The following PLSCR2 variants were observed in gnomAD, a reference collection of about 807,000 sequenced individuals.
The protein encoded by PLSCR2 is phospholipid scramblase 2.
PLSCR2 carries 18 observed loss-of-function variants against 25.3 expected under a neutral mutation model. The observed-to-expected ratio is 0.71, with a 90% CI of 0.49 to 1.06. The LOEUF is 1.06. Ranked by LOEUF, PLSCR2 falls within the 50% of genes least tolerant of loss-of-function variation. The probability of loss-of-function intolerance (pLI) is 0.00; values close to 1 mark genes in which losing one functional copy is unlikely to be tolerated. For synonymous variants in PLSCR2, 88 were observed against 87.3 expected (o/e 1.01, Z -0.04); for missense variants, 243 against 269.5 (o/e 0.90, Z 0.69).
At chr3:146,459,482 G>A (rs766665685) in intron 2 of PLSCR2, among the ~76,000 whole-genome samples, 10 of 152,276 alleles carry the variant, frequency 6.6e-5, no homozygotes, top group Non-Finnish European at 7.4e-5. Flanking sequence ...CTTGTGTAGA[G>A]TAGTGATGAT....
downstream of PLSCR2, among the ~76,000 whole-genome samples, chr3:146,441,531 T>A (rs1385342337): frequency 6.6e-6 from 1 of 151,900 alleles, no homozygotes; most frequent in East Asian, 1.9e-4. Context: ...CTTTTCCCCA[T>A]ATATACAATG....
chr3:146,406,938 T>C (rs781595026), intron 2 of PLSCR2, among the ~76,000 whole-genome samples: 1 of 152,162 alleles, frequency 6.6e-6, no homozygotes, highest in Non-Finnish European at 1.5e-5. Flanking sequence ...GGGGAGACTG[T>C]AGGTACTGTA....
chr3:146,427,865 G>C (rs1293103051), intron 2 of PLSCR2, among the ~76,000 whole-genome samples: 3 of 152,118 alleles, frequency 2.0e-5, no homozygotes, highest in Admixed American at 6.5e-5. Flanking sequence ...CAATAGCCCA[G>C]AGCAATATCT....
intron 1 of PLSCR2, 43 bp from the exon 2 acceptor site, chr3:146,460,126 A>AGTC: frequency 7.0e-7 from 1 of 1,432,298 alleles, no homozygotes; most frequent in Non-Finnish European, 9.3e-7. Context: ...TGCCCAGAAA[A>AGTC]GTCATCAATC....
intron 1 of PLSCR2, among the ~76,000 whole-genome samples, chr3:146,483,344 A>G (rs956780552): frequency 6.7e-6 from 1 of 148,962 alleles, no homozygotes; most frequent in African/African-American, 2.5e-5. Context: ...TGACGAGTTG[A>G]TGGGTGCAGC....
downstream of PLSCR2, among the ~76,000 whole-genome samples, chr3:146,428,880 T>C (rs1315083816): frequency 1.3e-5 from 2 of 152,254 alleles, no homozygotes; most frequent in Non-Finnish European, 2.9e-5. Flanking sequence ...AAATTTAATG[T>C]AGCCCAAATA....
chr3:146,488,974 A>C (rs1450036304), intron 1 of PLSCR2, among the ~76,000 whole-genome samples: 2 of 152,204 alleles, frequency 1.3e-5, no homozygotes, highest in African/African-American at 4.8e-5. Flanking sequence ...ACACCATGGA[A>C]TACTACGCAG....
intron 1 of PLSCR2, among the ~76,000 whole-genome samples, chr3:146,472,541 A>G (rs922962380): frequency 3.9e-5 from 6 of 152,278 alleles, no homozygotes; most frequent in African/African-American, 9.6e-5. Flanking sequence ...TAACACATAC[A>G]TGGCATCTTC....
intron 2 of PLSCR2, among the ~76,000 whole-genome samples, chr3:146,423,711 T>G (rs186144563): frequency 1.2e-4 from 19 of 152,174 alleles, no homozygotes; most frequent in African/African-American, 4.3e-4. Context: ...AAGCTTCCTT[T>G]AAATGTGGGA....
downstream of PLSCR2, among the ~76,000 whole-genome samples, chr3:146,440,614 T>C (rs2040184371): frequency 6.6e-6 from 1 of 152,094 alleles, no homozygotes; most frequent in African/African-American, 2.4e-5. Context: ...ATTTTCTCAG[T>C]TGGAAAAGCT....
At chr3:146,410,392 A>G (rs1350474237) in intron 2 of PLSCR2, among the ~76,000 whole-genome samples, 1 of 152,192 alleles carries the variant, frequency 6.6e-6, no homozygotes, top group Non-Finnish European at 1.5e-5. Flanking sequence ...TGAACCTACC[A>G]CCGGTTTAGT....
intron 1 of PLSCR2, among the ~76,000 whole-genome samples, chr3:146,477,509 C>T (rs1055292143): frequency 2.0e-5 from 3 of 152,206 alleles, no homozygotes; most frequent in Admixed American, 1.3e-4. Context: ...GATTGACCTG[C>T]GAGGCAGCAG....
intron 1 of PLSCR2, among the ~76,000 whole-genome samples, chr3:146,493,274 A>G (rs945077699): frequency 1.3e-5 from 2 of 152,186 alleles, no homozygotes. Flanking sequence ...AGGAGGAGGG[A>G]CTATCTTCTA....
intron 1 of PLSCR2, among the ~76,000 whole-genome samples, chr3:146,476,705 A>C (rs893546965): frequency 6.6e-6 from 1 of 152,100 alleles, no homozygotes; most frequent in Non-Finnish European, 1.5e-5. Flanking sequence ...CTCAAAAGGC[A>C]CTCCCCATAG....
chr3:146,465,114 A>G (rs1485430053), upstream of PLSCR2, among the ~76,000 whole-genome samples: 2 of 152,146 alleles, frequency 1.3e-5, no homozygotes, highest in Admixed American at 6.5e-5. Context: ...AGAAGTTCCC[A>G]CTACTTTAGT....
intron 2 of PLSCR2, among the ~76,000 whole-genome samples, chr3:146,410,763 A>G (rs1187740635): frequency 6.6e-6 from 1 of 152,274 alleles, no homozygotes; most frequent in African/African-American, 2.4e-5. Context: ...CTAAACAGTT[A>G]TAACAGTTTT....
chr3:146,442,024 C>T (rs1477156954), intron 6 of PLSCR2, among the ~76,000 whole-genome samples: 1 of 151,972 alleles, frequency 6.6e-6, no homozygotes, highest in Admixed American at 6.6e-5. Flanking sequence ...ATCCTATAAT[C>T]CTATTTATTT....
intron 3 of PLSCR2, among the ~76,000 whole-genome samples, chr3:146,455,665 T>C (rs1278861621): frequency 2.6e-5 from 4 of 152,168 alleles, no homozygotes; most frequent in South Asian, 2.1e-4. Flanking sequence ...TGATTCCTTA[T>C]GTGAGATATG....
At chr3:146,473,277 A>G (rs558953547) in intron 1 of PLSCR2, among the ~76,000 whole-genome samples, 8 of 138,924 alleles carry the variant, frequency 5.8e-5, no homozygotes, top group Admixed American at 1.4e-4. Flanking sequence ...CTTTTATTGT[A>G]TTATAGTCCT....
Sources: allele counts gnomAD v4.1 joint callset (sites outside exome capture counted in the v4.1 genomes callset), GRCh38; gene constraint gnomAD v4.1.1; transcripts MANE v1.5; gene names NCBI Gene and HGNC (gene_info 2026-07-23, HGNC 2026-07-21).